Variants in COL4A1 observed in about 807,000 individuals in gnomAD.
COL4A1 encodes collagen alpha-1(IV) chain.
In COL4A1, 40 loss-of-function variants were observed where a neutral mutation model predicts 216.6. That is an observed-to-expected ratio of 0.18 (90% CI 0.14 to 0.24). COL4A1 has a LOEUF of 0.24. Ranked by LOEUF, COL4A1 falls within the 10% of genes least tolerant of loss-of-function variation. COL4A1 has a pLI of 1.00. For synonymous variants in COL4A1, 839 were observed against 810.7 expected (o/e 1.03, Z -0.59); for missense variants, 1,628 against 2,196.8 (o/e 0.74, Z 5.18).
intron 1 of COL4A1, among the ~76,000 whole-genome samples, chr13:110,288,671 T>C (rs1485106962): frequency 2.6e-5 from 4 of 152,220 alleles, no homozygotes; most frequent in African/African-American, 9.6e-5. Context: ...TTCTTATCCC[T>C]CCCATGTCCT....
intron 1 of COL4A1, among the ~76,000 whole-genome samples, chr13:110,274,395 T>G (rs1347351459): frequency 2.6e-5 from 4 of 152,194 alleles, no homozygotes; most frequent in Non-Finnish European, 5.9e-5. Flanking sequence ...GCACGTATAA[T>G]TCAAAGAGAA....
chr13:110,157,350 C>A (rs931891594), intron 49 of COL4A1, among the ~76,000 whole-genome samples: 23 of 152,206 alleles, frequency 1.5e-4, no homozygotes, highest in African/African-American at 4.8e-4. Context: ...TGGAAAACTG[C>A]CACCTTTTCT....
In COL4A1 at chr13:110,178,178, T is replaced by C. The variant is rs2139164333; in HGVS notation, c.2512A>G (p.Met838Val). 1.2e-6 allele frequency: 2 copies of C among 1,614,214 alleles called. No homozygotes were observed. Among genetic ancestry groups the C allele is most frequent in the Non-Finnish European group, 1.7e-6 (2 of 1,180,042 alleles). Residue 838 changes from methionine to valine, a missense_variant, in exon 32 of 52, where the codon ATG (methionine) becomes GTG (valine). Met to Val is a conservative substitution (Grantham distance 21, BLOSUM62 1). Coordinates refer to ENST00000375820, the MANE Select transcript of COL4A1 (RefSeq NM_001845.6). ...CCTTTATCTCCTTTAGGGCCCGGCA[T>C]GTCCAGTCCAGGGAATCCGGGGAAA... ...KGFPGFPGLD[M>V]PGPKGDKGAQ...
chr13:110,231,300 G>A (rs1881049746), intron 2 of COL4A1, among the ~76,000 whole-genome samples: 1 of 152,224 alleles, frequency 6.6e-6, no homozygotes, highest in African/African-American at 2.4e-5. Flanking sequence ...GTGAGAAGGG[G>A]GAGGTGAGGA....
intron 49 of COL4A1, among the ~76,000 whole-genome samples, chr13:110,157,735 C>T (rs1005103043): frequency 1.3e-5 from 2 of 152,212 alleles, no homozygotes; most frequent in African/African-American, 2.4e-5. Flanking sequence ...ATTGCTTAGA[C>T]TCTAAGGTTT....
rs762123251 is a variant in COL4A1 at position 110,178,102 on chromosome 13, G to A, written c.2588C>T (p.Pro863Leu). 6.2e-7 allele frequency: 1 copy of A among 1,614,168 alleles called. No homozygotes were observed. Among genetic ancestry groups the A allele is most frequent in the Admixed American group, 1.7e-5 (1 of 60,024 alleles). Residue 863 changes from proline to leucine, a missense_variant, in exon 32 of 52, where the codon CCT becomes CTT. Physicochemically the swap from Pro to Leu is moderately conservative, Grantham distance 98. Around this residue, in one of 8 missense-constraint regions of COL4A1, gnomAD observed 701 missense variants for 892.5 expected, o/e 0.79. Transcript: ENST00000375820. ...AATCCCAGGAGCCCCCTGCTGTCCA[G>A]GAAGGCCAGGGAGCCCCGACTGTCC... ...ITGQSGLPGL[P>L]GQQGAPGIPG...
At chr13:110,203,477 C>A in intron 18 of COL4A1, 89 bp downstream of exon 18, 1 of 1,477,674 alleles carries the variant, frequency 6.8e-7, no homozygotes. Flanking sequence ...GGGTCCTCTC[C>A]TTCCTCCCCC....
intron 24 of COL4A1, among the ~76,000 whole-genome samples, chr13:110,188,144 T>C (rs1434196877): frequency 6.6e-6 from 1 of 152,220 alleles, no homozygotes; most frequent in Non-Finnish European, 1.5e-5. Context: ...AAACAGAAAA[T>C]GTTTCCAACA....
At chr13:110,248,417 G>T (rs1284685166) in intron 1 of COL4A1, among the ~76,000 whole-genome samples, 1 of 152,228 alleles carries the variant, frequency 6.6e-6, no homozygotes, top group Admixed American at 6.5e-5. Context: ...TCCACTCCCA[G>T]GGATAAGCCC....
At chr13:110,229,210 T>C (rs540771707) in intron 2 of COL4A1, among the ~76,000 whole-genome samples, 57 of 152,360 alleles carry the variant, frequency 3.7e-4, no homozygotes, top group African/African-American at 1.3e-3. Context: ...TGGACAGTTC[T>C]GACATGTACT....
chr13:110,281,159 G>A (rs1883620032), intron 1 of COL4A1, among the ~76,000 whole-genome samples: 1 of 152,114 alleles, frequency 6.6e-6, no homozygotes, highest in South Asian at 2.1e-4. Context: ...AAACGTGGCC[G>A]GCACTCTCTC....
chr13:110,252,591 TATAC>T (rs1330100173), intron 1 of COL4A1, among the ~76,000 whole-genome samples: 1 of 45,076 alleles, frequency 2.2e-5, no homozygotes, highest in Admixed American at 3.0e-4. Context: ...TACGTATAAT[TATAC>T]GTATATATGT....
At chr13:110,209,265 T>C (rs978813193) in intron 11 of COL4A1, 127 bp downstream of exon 11, 11 of 735,768 alleles carry the variant, frequency 1.5e-5, no homozygotes, top group Admixed American at 2.4e-5. Context: ...CTTAAAGGTA[T>C]AGTTAGATAT....
At chr13:110,179,816 A>G (rs1878065758) in intron 29 of COL4A1, among the ~76,000 whole-genome samples, 1 of 152,210 alleles carries the variant, frequency 6.6e-6, no homozygotes, top group Admixed American at 6.5e-5. Flanking sequence ...GTTCTTCCTA[A>G]GAGATGGCAA....
In COL4A1 at chr13:110,195,132, GT is replaced by G; in HGVS notation, c.1286-15del. On this transcript the variant is annotated splice_polypyrimidine_tract_variant and intron_variant, in intron 21 of 51. Coordinates refer to ENST00000375820, the MANE Select transcript of COL4A1 (RefSeq NM_001845.6). ...CCACAATTCCATCTGAAATTGAGTT[GT>G]CAGAGTTATAGGATCATAGCTAGGT... is the stretch of plus-strand genomic sequence containing the variant. 1 of 1,609,792 alleles carries G rather than the reference GT, an allele frequency of 6.2e-7. No homozygotes were observed.
Position 110,172,933 on chromosome 13 carries a change from T to C in COL4A1, c.3506-163A>G, listed in dbSNP as rs529047952. ...TAATAAAATGATATTCCTACAGTTA[T>C]AAGATACCCTTGACTGAATGTTCCT... On this transcript the variant is annotated intron_variant, in intron 40 of 51. Transcript: ENST00000375820. Among the ~76,000 whole-genome samples the C allele has an allele frequency of 7.2e-5, 11 of 152,368 alleles. No individual in the cohort carries two copies. The South Asian group carries it at 2.3e-3, about 32-fold the overall frequency.
At chr13:110,235,399 C>A (rs954732609) in intron 2 of COL4A1, among the ~76,000 whole-genome samples, 2 of 151,976 alleles carry the variant, frequency 1.3e-5, no homozygotes, top group African/African-American at 2.4e-5. Flanking sequence ...GCCTGTAATC[C>A]CAGCACTTTG....
At position 110,210,156 on chromosome 13, in the gene COL4A1, T is replaced by G. The variant is rs966826096; in HGVS notation, c.525A>C (p.Arg175Ser). The G allele has an allele frequency of 5.6e-6, 9 of 1,614,102 alleles. No individual in the cohort carries two copies. Among genetic ancestry groups the G allele is most frequent in the Non-Finnish European group, 6.8e-6 (8 of 1,180,024 alleles). The part of the protein sequence containing the change: ...HVPGMLLKGE[R>S]GFPGIPGTPG... ...GAGTCCCTGGGATTCCGGGAAATCC[T>G]CTTTCACCTTTCAACAGCATCCCGG... Residue 175 changes from arginine (R) to serine (S), a missense_variant, in exon 9 of 52, where the codon AGA (arginine) becomes AGC (serine). By Grantham distance (110) the Arg-to-Ser change is moderately radical. This residue lies in a region of COL4A1 where 150 missense variants were observed against 211.9 expected (regional missense o/e 0.71). Transcript: ENST00000375820.
chr13:110,299,812 C>T (rs1348117976), intron 1 of COL4A1, among the ~76,000 whole-genome samples: 1 of 152,224 alleles, frequency 6.6e-6, no homozygotes, highest in African/African-American at 2.4e-5. Flanking sequence ...ACGTCACACA[C>T]AACTCAGTAT....
Sources: gnomAD v4.1 joint callset for allele counts (sites outside exome capture counted in the v4.1 genomes callset) on GRCh38, gnomAD v4.1.1 for gene constraint, gnomAD v4.1.1 regional missense constraint, MANE v1.5 for transcripts, NCBI Gene and HGNC (gene_info 2026-07-23, HGNC 2026-07-21) for gene names.